FOXP1: variants seen among roughly 807,000 people sequenced by gnomAD.
FOXP1 encodes the protein forkhead box protein P1.
FOXP1 carries 15 observed loss-of-function variants against 98.2 expected under a neutral mutation model. The observed-to-expected ratio is 0.15, with a 90% CI of 0.10 to 0.24. The LOEUF is 0.24. FOXP1 is among the 10% of genes least tolerant of loss of function. The pLI is 1.00. For missense variants in FOXP1, 633 were observed against 848.5 expected (o/e 0.75, Z 3.15); for synonymous variants, 371 against 314.5 (o/e 1.18, Z -1.90).
At position 71,327,064 on chromosome 3, in the gene FOXP1, C is replaced by T. The variant is rs560047027; in HGVS notation, c.-72-27184G>A. Reference sequence around the variant, plus strand: ...TTAAAGTTGAACTGCACTGCCCATTCTAGAATCCAAGGTCTTAACCACCAT... The same window carrying T: ...TTAAAGTTGAACTGCACTGCCCATTTTAGAATCCAAGGTCTTAACCACCAT... On this transcript the variant is annotated intron_variant, in intron 4 of 20. Transcript: ENST00000649528. 3.1e-3 allele frequency among the ~76,000 whole-genome samples: 473 copies of T among 152,202 alleles called. 2 individuals carry two copies. Among genetic ancestry groups the T allele is most frequent in the African/African-American group, 0.011 (447 of 41,536 alleles).
rs544889145 is a variant in FOXP1 at position 70,965,723 on chromosome 3, C to T, written c.1889+167G>A. On this transcript the variant is annotated intron_variant, in intron 20 of 20. Transcript: ENST00000649528. The stretch of plus-strand genomic sequence containing the variant: ...AAAGTTAGCAAATAGTCCTTTTATG[C>T]ACTAACCAAGCTGAACATTTCTTGA... Among the ~76,000 whole-genome samples, 6 of 152,268 alleles carry T rather than the reference C, an allele frequency of 3.9e-5. No individual in the cohort carries two copies. In the South Asian group the frequency reaches 1.2e-3, roughly 32 times the overall value.
At chr3:71,470,947 C>T (rs1314154383) in intron 3 of FOXP1, among the ~76,000 whole-genome samples, 1 of 152,172 alleles carries the variant, frequency 6.6e-6, no homozygotes, top group Non-Finnish European at 1.5e-5. Flanking sequence ...GCCTCAGCTT[C>T]CTACCTCTAC....
intron 2 of FOXP1, among the ~76,000 whole-genome samples, chr3:71,530,104 T>C (rs1009463239): frequency 3.3e-5 from 5 of 152,134 alleles, no homozygotes; most frequent in Admixed American, 2.0e-4. Context: ...CCAGCTGGTG[T>C]TGGAGAACTG....
intron 3 of FOXP1, among the ~76,000 whole-genome samples, chr3:71,397,012 A>ATATATATATATACACATATATATGTG (rs2081495853): frequency 3.0e-5 from 1 of 33,644 alleles, no homozygotes; most frequent in Non-Finnish European, 6.9e-5. Flanking sequence ...ATATGTGTAT[A>ATATATATATATACACATATATATGTG]TATATATATA....
rs573422271 is a variant in FOXP1 at position 70,971,138 on chromosome 3, G to A, written c.1653-333C>T. ...CAACAGAAAGGAAGGCAGCAGCCTA[G>A]GAGGTCGTGCTGGGGAAGGCAGTGA... On this transcript the variant is annotated intron_variant, in intron 18 of 20. Coordinates refer to ENST00000649528, the MANE Select transcript of FOXP1 (RefSeq NM_001349338.3). 33 of 358,084 alleles carry A rather than the reference G, an allele frequency of 9.2e-5. 1 individual carries two copies. Among genetic ancestry groups the A allele is most frequent in the South Asian group, 7.4e-4 (31 of 42,136 alleles). The allele number at this position is 358,084 out of a possible 1,614,324, so 22.2% of individuals were successfully genotyped here.
chr3:71,095,517 C>T (rs539047474), intron 7 of FOXP1, among the ~76,000 whole-genome samples: 1 of 152,288 alleles, frequency 6.6e-6, no homozygotes, highest in South Asian at 2.1e-4. Flanking sequence ...CCTAGTTCCA[C>T]ACTGGCAGTT....
chr3:71,451,043 A>C (rs2086903272), intron 3 of FOXP1, among the ~76,000 whole-genome samples: 1 of 152,218 alleles, frequency 6.6e-6, no homozygotes, highest in Non-Finnish European at 1.5e-5. Flanking sequence ...GTCAGCCAGC[A>C]CTGCTTTCAT....
chr3:71,306,452 C>T (rs1235366130), intron 4 of FOXP1, among the ~76,000 whole-genome samples: 3 of 151,920 alleles, frequency 2.0e-5, no homozygotes, highest in African/African-American at 4.8e-5. Flanking sequence ...GTCAGATATA[C>T]GTCTCGTTTC....
intron 4 of FOXP1, among the ~76,000 whole-genome samples, chr3:71,338,109 T>A (rs1044762829): frequency 6.6e-6 from 1 of 152,192 alleles, no homozygotes; most frequent in Non-Finnish European, 1.5e-5. Flanking sequence ...TCTCATAAAA[T>A]GTTTCTAAGC....
chr3:71,429,364 G>T (rs894749561), intron 3 of FOXP1, among the ~76,000 whole-genome samples: 19 of 152,170 alleles, frequency 1.2e-4, no homozygotes, highest in Non-Finnish European at 2.4e-4. Context: ...GCTCACCTGA[G>T]AAACACTTTT....
At chr3:71,526,667 G>A (rs1482981553) in intron 2 of FOXP1, among the ~76,000 whole-genome samples, 3 of 152,224 alleles carry the variant, frequency 2.0e-5, no homozygotes, top group East Asian at 1.9e-4. Flanking sequence ...GCATTTGTGT[G>A]AACTAGAAAA....
At chr3:71,412,438 C>T (rs1049147111) in intron 3 of FOXP1, among the ~76,000 whole-genome samples, 5 of 152,150 alleles carry the variant, frequency 3.3e-5, no homozygotes, top group Non-Finnish European at 5.9e-5. Flanking sequence ...CCCTTGATCT[C>T]CATGTTATGA....
chr3:71,051,078 C>T (rs549681528), intron 9 of FOXP1, among the ~76,000 whole-genome samples: 1 of 152,312 alleles, frequency 6.6e-6, no homozygotes, highest in African/African-American at 2.4e-5. Flanking sequence ...TGAGTAAGCC[C>T]TGCTGAATTA....
chr3:71,252,127 T>C (rs1474172194), intron 5 of FOXP1, among the ~76,000 whole-genome samples: 1 of 61,162 alleles, frequency 1.6e-5, no homozygotes, highest in East Asian at 4.9e-4. Flanking sequence ...AAGAGATCTC[T>C]TTCTCTCTCT....
Position 71,262,228 on chromosome 3 carries a change from T to C in FOXP1, c.-12+37592A>G, listed in dbSNP as rs1037788376. On this transcript the variant is annotated intron_variant, in intron 5 of 20. Coordinates refer to ENST00000649528, the MANE Select transcript of FOXP1 (RefSeq NM_001349338.3). ...TTGCAGTGAGCCAAGATTGCGCCAC[T>C]GCACTCCAGCCTGGCAACAGGACAA... Among the ~76,000 whole-genome samples the C allele has an allele frequency of 1.4e-3, 164 of 116,168 alleles. 4 individuals are homozygous for C. The highest frequency in any genetic ancestry group is 3.7e-4 in the Admixed American group (3 of 8,046). The allele number at this position is 116,168 out of a possible 152,430, so 76.2% of individuals were successfully genotyped here. A position where few individuals can be genotyped will look rare whatever the true frequency, so the allele number is the denominator to read the frequency against.
At chr3:71,003,897 C>A (rs925007432) in intron 12 of FOXP1, among the ~76,000 whole-genome samples, 1 of 152,084 alleles carries the variant, frequency 6.6e-6, no homozygotes, top group East Asian at 1.9e-4. Context: ...TATATCACAT[C>A]TTCAGTGACC....
intron 3 of FOXP1, among the ~76,000 whole-genome samples, chr3:71,369,563 T>C (rs1420408987): frequency 3.9e-5 from 6 of 152,062 alleles, no homozygotes; most frequent in Non-Finnish European, 7.4e-5. Flanking sequence ...CCCAGCTAAT[T>C]TTGGTATTTT....
intron 5 of FOXP1, among the ~76,000 whole-genome samples, chr3:71,263,834 TC>T (rs766121491): frequency 9.2e-5 from 14 of 151,936 alleles, no homozygotes; most frequent in Non-Finnish European, 1.8e-4. Context: ...AGCCTCGACT[TC>T]CCAGGCTCAA....
chr3:71,021,124 T>C (rs933809798), intron 11 of FOXP1, among the ~76,000 whole-genome samples: 2 of 152,188 alleles, frequency 1.3e-5, no homozygotes, highest in Non-Finnish European at 2.9e-5. Context: ...TGTGTAACCA[T>C]CATCACCAAC....
Sources: gnomAD v4.1 joint callset for allele counts (sites outside exome capture counted in the v4.1 genomes callset) on GRCh38, gnomAD v4.1.1 for gene constraint, MANE v1.5 for transcripts, NCBI Gene and HGNC (gene_info 2026-07-23, HGNC 2026-07-21) for gene names.